P4HA3: variants seen among roughly 807,000 people sequenced by gnomAD.
P4HA3 encodes the protein prolyl 4-hydroxylase subunit alpha-3.
In P4HA3, 60 loss-of-function variants were observed where a neutral mutation model predicts 66.7. The ratio of observed to expected loss-of-function variants is 0.90; its 90% CI spans 0.73 to 1.12. The LOEUF is 1.12. Among genes scored for constraint, P4HA3 ranks in the 50% most tolerant of loss-of-function variants. The probability of loss-of-function intolerance (pLI) is 0.00; values close to 1 mark genes in which losing one functional copy is unlikely to be tolerated. For synonymous variants in P4HA3, 263 were observed against 274.6 expected, an observed-to-expected ratio of 0.96 and a Z score of 0.42; for missense variants, 683 against 685.8, an observed-to-expected ratio of 1.00 and a Z score of 0.05.
chr11:74,292,410 T>A (rs1861062453), intron 4 of P4HA3, among the ~76,000 whole-genome samples: 1 of 152,198 alleles, frequency 6.6e-6, no homozygotes, highest in African/African-American at 2.4e-5. Flanking sequence ...CTGGATTCAT[T>A]AATTTTTTGA....
intron 15 of P4HA3, chr11:74,253,571 C>A: frequency 6.6e-7 from 1 of 1,521,804 alleles, no homozygotes; most frequent in Non-Finnish European, 9.1e-7. Context: ...GCACCAGAGG[C>A]CACTGTGATG....
intron 4 of P4HA3, among the ~76,000 whole-genome samples, chr11:74,294,310 G>T (rs1425037546): frequency 5.9e-5 from 9 of 152,054 alleles, no homozygotes; most frequent in Admixed American, 5.9e-4. Context: ...GGTCCTTTAA[G>T]GACTTCTCTG....
chr11:74,305,862 T>C lies in P4HA3; in HGVS notation c.201-1450A>G, dbSNP rs140052846. On this transcript the variant is annotated intron_variant, in intron 1 of 12. Coordinates refer to ENST00000331597, the MANE Select transcript of P4HA3 (RefSeq NM_182904.5). ...ATTCTGAATAAGGAAATAATCTTGG[T>C]CTCAAGGATCCACAGTTTAGTGAGT... Among the ~76,000 whole-genome samples the C allele has an allele frequency of 3.7e-3, 561 of 152,310 alleles. 3 individuals carry two copies. The highest frequency in any genetic ancestry group is 6.3e-3 in the Non-Finnish European group (428 of 68,028).
chr11:74,271,599 C>T (rs1362830012), intron 10 of P4HA3, among the ~76,000 whole-genome samples: 2 of 151,942 alleles, frequency 1.3e-5, no homozygotes, highest in East Asian at 1.9e-4. Flanking sequence ...TGGGCTCAAG[C>T]GATCTTCTTG....
intron 15 of P4HA3, chr11:74,253,584 A>G: frequency 6.7e-7 from 1 of 1,489,624 alleles, no homozygotes; most frequent in Non-Finnish European, 9.4e-7. Context: ...CTGTGATGCC[A>G]CTGTCTCCTC....
chr11:74,311,573 C>T lies in P4HA3; in HGVS notation c.39G>A (p.Val13=), dbSNP rs758330488. Residue 13 remains valine (V), a synonymous_variant, in exon 1 of 13, where the codon GTG becomes GTA. Coordinates refer to ENST00000331597, the MANE Select transcript of P4HA3 (RefSeq NM_182904.5). ...CTGGGTCTCCTGTCCCGAGCGCCAG[C>T]ACCGCCAGCAGCGCCGCCAGCCGCG... ...PGARLAALLA[V]LALGTGDPER... 3.9e-6 allele frequency: 6 copies of T among 1,534,730 alleles called. No individual in the cohort carries two copies. The highest frequency in any genetic ancestry group is 4.3e-6 in the Non-Finnish European group (5 of 1,151,766).
At position 74,282,583 on chromosome 11, in the gene P4HA3, G is replaced by A. The variant is rs12574037; in HGVS notation, c.1111-3131C>T. Among the ~76,000 whole-genome samples, 50 of 152,304 alleles carry A rather than the reference G, an allele frequency of 3.3e-4. No individual in the cohort carries two copies. In the East Asian group the frequency reaches 9.1e-3, roughly 28 times the overall value. ...GGCAGCAGCCAGGCCATGGAGACTT[G>A]TAAGCACTCAAAGGCAAAAGTGACC... On this transcript the variant is annotated intron_variant, in intron 7 of 12. Transcript: ENST00000331597.
chr11:74,265,533 C>T (rs563945241), downstream of P4HA3, among the ~76,000 whole-genome samples: 141 of 152,280 alleles, frequency 9.3e-4, no homozygotes, highest in African/African-American at 3.1e-3. Context: ...GTGAAGGATC[C>T]TAAGCCAAGT....
chr11:74,304,254 C>T lies in P4HA3; in HGVS notation c.343+16G>A, dbSNP rs1565422949. ...TAGAATCTTCTCTCTTACCCTCCAG[C>T]CCTCCTCCTCATTACCTCGGATGTT... On this transcript the variant is annotated intron_variant, in intron 2 of 12. Coordinates refer to ENST00000331597, the MANE Select transcript of P4HA3 (RefSeq NM_182904.5). 1 of 1,613,390 alleles carries T rather than the reference C, an allele frequency of 6.2e-7. No homozygotes were observed. Among genetic ancestry groups the T allele is most frequent in the Non-Finnish European group, 8.5e-7 (1 of 1,179,616 alleles).
At chr11:74,291,469 C>A (rs1195839309) in intron 4 of P4HA3, among the ~76,000 whole-genome samples, 1 of 152,182 alleles carries the variant, frequency 6.6e-6, no homozygotes, top group Non-Finnish European at 1.5e-5. Flanking sequence ...CTGGCCAGAA[C>A]TTCCAACACT....
Position 74,251,387 on chromosome 11 carries a change from C to G in P4HA3, c.*1319-3386G>C. 4 of 1,362,808 alleles carry G rather than the reference C, an allele frequency of 2.9e-6. No homozygotes were observed. The South Asian group carries it at 7.8e-5, about 27-fold the overall frequency. 84.4% of individuals were successfully genotyped at this position (1,362,808 alleles called of 1,614,324 possible). A position where few individuals can be genotyped will look rare whatever the true frequency, so the allele number is the denominator to read the frequency against. ...TATGGGCTCCTCCTGTGAGAAAACA[C>G]CATTCTGTAACTCTGAGGGCACACA... On this transcript the variant is annotated intron_variant and NMD_transcript_variant, in intron 15 of 15. Coordinates refer to the P4HA3 transcript ENST00000524388.
At chr11:74,287,475 G>A (rs1860839009) in intron 5 of P4HA3, among the ~76,000 whole-genome samples, 1 of 152,152 alleles carries the variant, frequency 6.6e-6, no homozygotes, top group Non-Finnish European at 1.5e-5. Context: ...CAAAATTTGA[G>A]TGGATAGCAA....
intron 10 of P4HA3, 74 bp from the exon 11 acceptor site, chr11:74,269,794 T>C: frequency 7.2e-7 from 1 of 1,392,830 alleles, no homozygotes; most frequent in South Asian, 1.2e-5. Flanking sequence ...ATGTCACATC[T>C]GCATAGATTC....
rs182562480 is a variant in P4HA3, at chr11:74,286,503, T to C, written c.770-112A>G. Reference sequence around the variant, plus strand: ...CTGCTGCACAGGATGGGCAAGTGGATCTCCTGAATAACTCCTCATGTCAAC... The same window carrying C: ...CTGCTGCACAGGATGGGCAAGTGGACCTCCTGAATAACTCCTCATGTCAAC... On this transcript the variant is annotated intron_variant, in intron 5 of 12. Coordinates refer to ENST00000331597, the MANE Select transcript of P4HA3 (RefSeq NM_182904.5). 602 of 973,560 alleles carry C rather than the reference T, an allele frequency of 6.2e-4. 3 individuals carry two copies. Among genetic ancestry groups the C allele is most frequent in the Non-Finnish European group, 8.9e-5 (62 of 693,364 alleles). The allele number at this position is 973,560 out of a possible 1,614,324, so 60.3% of individuals were successfully genotyped here. A position where few individuals can be genotyped will look rare whatever the true frequency, so the allele number is the denominator to read the frequency against.
chr11:74,255,307 T>C (rs1022635248), intron 15 of P4HA3, among the ~76,000 whole-genome samples: 12 of 152,136 alleles, frequency 7.9e-5, no homozygotes, highest in Non-Finnish European at 8.8e-5. Flanking sequence ...CTTTTCCGTG[T>C]CCCCCTCTTT....
At chr11:74,294,081 C>T (rs1335416142) in intron 4 of P4HA3, among the ~76,000 whole-genome samples, 1 of 152,356 alleles carries the variant, frequency 6.6e-6, no homozygotes, top group East Asian at 1.9e-4. Flanking sequence ...CTTTCAAGTA[C>T]ACCAATCAGA....
chr11:74,305,286 AT>A (rs1185390721), intron 1 of P4HA3, among the ~76,000 whole-genome samples: 1 of 152,140 alleles, frequency 6.6e-6, no homozygotes, highest in South Asian at 2.1e-4. Context: ...ATCTTGAATG[AT>A]TTGTTAAAAT....
At chr11:74,269,798 T>G (rs1265476001) in intron 10 of P4HA3, 78 bp from the exon 11 acceptor site, 1 of 1,366,946 alleles carries the variant, frequency 7.3e-7, no homozygotes, top group Non-Finnish European at 1.0e-6. Context: ...CACATCTGCA[T>G]AGATTCCTTC....
chr11:74,286,204 T>C (rs779551993), intron 6 of P4HA3, 24 bp downstream of exon 6: 1 of 1,607,680 alleles, frequency 6.2e-7, no homozygotes, highest in Non-Finnish European at 8.5e-7. Flanking sequence ...CTCTCCCCCT[T>C]TCTCTTTCCC....
Sources: gnomAD v4.1 joint callset for allele counts (sites outside exome capture counted in the v4.1 genomes callset) on GRCh38, gnomAD v4.1.1 for gene constraint, MANE v1.5 for transcripts, NCBI Gene and HGNC (gene_info 2026-07-23, HGNC 2026-07-21) for gene names.